Variants in PADI2 observed in about 807,000 individuals in gnomAD.
The protein encoded by PADI2 is protein-arginine deiminase type-2.
A neutral mutation model predicts 81.1 loss-of-function variants in PADI2; 70 were observed. The observed-to-expected ratio is 0.86, with a 90% confidence interval of 0.71 to 1.05. PADI2 has a LOEUF of 1.05. Among genes scored for constraint, PADI2 ranks in the 50% least tolerant of loss-of-function variants. PADI2 has a pLI of 0.00. For synonymous variants in PADI2, 338 were observed against 358.0 expected (o/e 0.94, Z 0.63); for missense variants, 853 against 889.9 (o/e 0.96, Z 0.53).
At chr1:17,076,429 G>A (rs999562367) in intron 11 of PADI2, among the ~76,000 whole-genome samples, 1 of 152,044 alleles carries the variant, frequency 6.6e-6, no homozygotes, top group African/African-American at 2.4e-5. Flanking sequence ...TGGCCAAGCT[G>A]GTCTTGAACT....
chr1:17,107,226 G>T (rs1931412001), intron 1 of PADI2, among the ~76,000 whole-genome samples: 1 of 152,200 alleles, frequency 6.6e-6, no homozygotes, highest in Non-Finnish European at 1.5e-5. Flanking sequence ...GTGCTCTTGG[G>T]TTCCAGGAGT....
intron 2 of PADI2, among the ~76,000 whole-genome samples, chr1:17,104,039 T>A (rs2101604622): frequency 6.6e-6 from 1 of 151,172 alleles, no homozygotes; most frequent in Non-Finnish European, 1.5e-5. Context: ...TCCCAGCACT[T>A]TGGGAGGCCA....
At chr1:17,084,928 G>A (rs1331931800) in intron 7 of PADI2, among the ~76,000 whole-genome samples, 2 of 152,232 alleles carry the variant, frequency 1.3e-5, no homozygotes, top group Non-Finnish European at 2.9e-5. Flanking sequence ...TGGGGAAACC[G>A]AGTCACAGGG....
In PADI2 at chr1:17,092,483, G is replaced by A. The variant is rs1374163355; in HGVS notation, c.580C>T (p.Leu194Phe). Residue 194 changes from leucine (L) to phenylalanine (F), a missense_variant, in exon 6 of 16, where the codon CTC becomes TTC. Transcript: ENST00000375486. ...AGAACTATCTCGTATCCGGCGGGGA[G>A]GCGGTCGGGGCCTTTGGTCCGCAGG... is the stretch of plus-strand genomic sequence containing the variant. ...MILRTKGPDR[L>F]PAGYEIVLYI... 2 of 1,604,514 alleles carry A rather than the reference G, an allele frequency of 1.2e-6. No individual in the cohort carries two copies. Among genetic ancestry groups the A allele is most frequent in the South Asian group, 1.1e-5 (1 of 90,274 alleles).
intron 3 of PADI2, among the ~76,000 whole-genome samples, chr1:17,096,322 T>C (rs558640250): frequency 1.3e-5 from 2 of 152,320 alleles, no homozygotes; most frequent in South Asian, 2.1e-4. Context: ...CAAGATCACA[T>C]AGGGACGCTA....
chr1:17,070,266 G>A (rs757737266), intron 14 of PADI2, 50 bp from the exon 15 acceptor site: 9 of 1,602,666 alleles, frequency 5.6e-6, no homozygotes, highest in South Asian at 4.5e-5. Flanking sequence ...GACACACACC[G>A]GCCACCTTGT....
intron 12 of PADI2, 188 bp downstream of exon 12, chr1:17,075,491 C>A: frequency 3.9e-6 from 2 of 514,374 alleles, no homozygotes; most frequent in Middle Eastern, 4.4e-4. Context: ...TGTTGCAATG[C>A]TAACATTTTG....
intron 3 of PADI2, among the ~76,000 whole-genome samples, chr1:17,099,752 C>A (rs1931074223): frequency 6.6e-6 from 1 of 152,190 alleles, no homozygotes; most frequent in Non-Finnish European, 1.5e-5. Flanking sequence ...GACTAAGCAC[C>A]CACTCTGTGC....
chr1:17,086,698 G>T lies in PADI2; in HGVS notation c.657C>A (p.Asn219Lys). 2 of 1,613,136 alleles carry T rather than the reference G, an allele frequency of 1.2e-6. No homozygotes were observed. Among genetic ancestry groups the T allele is most frequent in the Non-Finnish European group, 1.7e-6 (2 of 1,179,466 alleles). Residue 219 changes from asparagine to lysine, a missense_variant and splice_region_variant, in exon 7 of 16, where the codon AAC becomes AAA. Physicochemically the swap from Asn to Lys is moderately conservative, Grantham distance 94. Transcript: ENST00000375486. ...GGATATAGCGTTGGCCGAAGAACGG[G>T]TCTGGAGGGAAAAGGACCAACGTCA... ...SDKVGVFYVE[N>K]PFFGQRYIHI...
In PADI2 at chr1:17,079,353, T is replaced by G. The variant is rs748687494; in HGVS notation, c.1221A>C (p.Ser407=). 9.2e-5 allele frequency: 148 copies of G among 1,613,970 alleles called. No homozygotes were observed. The highest frequency in any genetic ancestry group is 1.2e-4 in the Non-Finnish European group (139 of 1,179,974). ...GGGGACTGACCTCCAGGTTTCCAAA[T>G]GAGTCAAGGCTGGTGACAGACTCAA... ...PLFESVTSLD[S]FGNLEVSPPV... The change falls in exon 11 of 16, where the codon TCA becomes TCC. Residue 407 remains serine, a synonymous_variant. Transcript: ENST00000375486.
At chr1:17,104,764 A>G in intron 2 of PADI2, 114 bp downstream of exon 2, 1 of 931,986 alleles carries the variant, frequency 1.1e-6, no homozygotes, top group Middle Eastern at 3.8e-4. Flanking sequence ...GTTACTGCAG[A>G]ACTGAAAATG....
At position 17,071,393 on chromosome 1, in the gene PADI2, G is replaced by C. The variant is rs2078263520; in HGVS notation, c.1635+13C>G. ...AGGGGCCCTCTGGCCCTGCACCCCTGCCCTGCCCTCACCTGGAAGTACAGG... is the reference window on the plus strand; with the variant it reads ...AGGGGCCCTCTGGCCCTGCACCCCTCCCCTGCCCTCACCTGGAAGTACAGG... On this transcript the variant is annotated intron_variant, in intron 14 of 15. Coordinates refer to ENST00000375486, the MANE Select transcript of PADI2 (RefSeq NM_007365.3). 6.2e-7 allele frequency: 1 copy of C among 1,601,480 alleles called. No individual in the cohort carries two copies. The highest frequency in any genetic ancestry group is 8.6e-7 in the Non-Finnish European group (1 of 1,168,828).
rs1206861535 is a variant in PADI2, at chr1:17,119,324, C to T, written c.48G>A (p.Glu16=). ...TVRLQYGSRV[E]AVYVLGTYLW... ...GGTAGGTGCCCAGCACGTACACCGC[C>T]TCCACGCGGCTCCCGTACTGCAGCC... Residue 16 remains glutamate (E), a synonymous_variant, in exon 1 of 16, where the codon GAG becomes GAA. Transcript: ENST00000375486. The surrounding 1 kb of genome is among the most constrained non-coding windows in gnomAD (Gnocchi z 4.8). 1.3e-6 allele frequency: 2 copies of T among 1,558,388 alleles called. No individual in the cohort carries two copies. The highest frequency in any genetic ancestry group is 8.7e-7 in the Non-Finnish European group (1 of 1,152,368).
In PADI2 at chr1:17,093,552, A is replaced by G; in HGVS notation, c.529+15T>C. The G allele has an allele frequency of 6.7e-7, 1 of 1,503,398 alleles. No individual in the cohort carries two copies. The highest frequency in any genetic ancestry group is 1.4e-5 in the African/African-American group (1 of 72,922). The allele number at this position is 1,503,398 out of a possible 1,614,324, so 93.1% of individuals were successfully genotyped here. A position where few individuals can be genotyped will look rare whatever the true frequency, so the allele number is the denominator to read the frequency against. ...TCCTCTCATCCTGCCCCCCAAGTGC[A>G]GGGCCTGCTGGCACCTTCCTTGCTG... On this transcript the variant is annotated intron_variant, in intron 5 of 15. Transcript: ENST00000375486.
chr1:17,102,337 C>T (rs11203299), intron 3 of PADI2, among the ~76,000 whole-genome samples: 81,871 of 152,048 alleles, frequency 0.54, 22,766 homozygotes, highest in Non-Finnish European at 0.62. Context: ...CTAGGCTCCA[C>T]CTCCCTGGCA....
chr1:17,096,996 G>A (rs976354402), intron 3 of PADI2, among the ~76,000 whole-genome samples: 5 of 152,194 alleles, frequency 3.3e-5, no homozygotes, highest in African/African-American at 1.2e-4. Context: ...AGCCAAAAAT[G>A]TCTCCAGATA....
intron 15 of PADI2, 43 bp downstream of exon 15, chr1:17,070,045 C>T (rs1197067970): frequency 3.8e-6 from 6 of 1,595,566 alleles, no homozygotes; most frequent in African/African-American, 2.7e-5. Context: ...TCTGGCTGCC[C>T]TGTACTGGCA....
chr1:17,100,945 A>C (rs1388688016), intron 3 of PADI2, among the ~76,000 whole-genome samples: 2 of 151,928 alleles, frequency 1.3e-5, no homozygotes, highest in Non-Finnish European at 2.9e-5. Flanking sequence ...CAGGCGTGAG[A>C]CACCGCGCCT....
chr1:17,080,325 T>C (rs908816691), intron 10 of PADI2, among the ~76,000 whole-genome samples: 2 of 152,156 alleles, frequency 1.3e-5, no homozygotes, highest in Non-Finnish European at 2.9e-5. Context: ...AAGGGATGCA[T>C]GCCAGTGAAC....
Sources: gnomAD v4.1 joint callset for allele counts (sites outside exome capture counted in the v4.1 genomes callset) on GRCh38, gnomAD v4.1.1 for gene constraint, Gnocchi (gnomAD v3.1) non-coding constraint, MANE v1.5 for transcripts, NCBI Gene and HGNC (gene_info 2026-07-23, HGNC 2026-07-21) for gene names.